Variants in KCNT2 observed in about 807,000 individuals in gnomAD.
KCNT2 encodes potassium channel subfamily T member 2.
In KCNT2, 67 loss-of-function variants were observed where a neutral mutation model predicts 153.8. That is an observed-to-expected ratio of 0.44 (90% CI 0.36 to 0.53). The LOEUF is 0.53. KCNT2 is among the 20% of genes least tolerant of loss of function. KCNT2 has a pLI of 0.00. For synonymous variants in KCNT2, 500 were observed against 458.8 expected (o/e 1.09, Z -1.15); for missense variants, 975 against 1,354.8 (o/e 0.72, Z 4.40).
chr1:196,561,439 A>G (rs1034603603), intron 1 of KCNT2, among the ~76,000 whole-genome samples: 2 of 151,490 alleles, frequency 1.3e-5, no homozygotes, highest in Non-Finnish European at 2.9e-5. Context: ...TATCTCATAT[A>G]TAAGATCAAT....
At chr1:196,521,186 T>TA (rs1653343646) in intron 1 of KCNT2, among the ~76,000 whole-genome samples, 2 of 152,082 alleles carry the variant, frequency 1.3e-5, no homozygotes, top group Non-Finnish European at 2.9e-5. Flanking sequence ...AACAATCATA[T>TA]AAAAAATAGC....
chr1:196,393,713 A>G (rs574931221), intron 13 of KCNT2, among the ~76,000 whole-genome samples: 65 of 151,632 alleles, frequency 4.3e-4, no homozygotes, highest in African/African-American at 1.5e-3. Context: ...TGATAACTAA[A>G]CTGCTATAAT....
chr1:196,349,275 A>C (rs892980884), intron 14 of KCNT2, among the ~76,000 whole-genome samples: 4 of 152,168 alleles, frequency 2.6e-5, no homozygotes, highest in Non-Finnish European at 5.9e-5. Context: ...ACAATTTCAG[A>C]TCTCCCATTC....
intron 13 of KCNT2, among the ~76,000 whole-genome samples, chr1:196,387,919 G>GCCA (rs1670135178): frequency 1.3e-5 from 2 of 149,732 alleles, no homozygotes; most frequent in South Asian, 4.2e-4. Context: ...TTTGATGAAA[G>GCCA]CCAATTTTTC....
chr1:196,289,765 C>A (rs191109258), intron 22 of KCNT2, among the ~76,000 whole-genome samples: 1 of 152,056 alleles, frequency 6.6e-6, no homozygotes, highest in Non-Finnish European at 1.5e-5. Context: ...CACTATGATT[C>A]CTTTTTGTTA....
intron 1 of KCNT2, among the ~76,000 whole-genome samples, chr1:196,593,985 AAC>A (rs149233796): frequency 4.6e-5 from 7 of 151,370 alleles, no homozygotes; most frequent in Non-Finnish European, 7.4e-5. Flanking sequence ...ACAGAAGACC[AAC>A]ACACACACAC....
At chr1:196,522,544 T>C (rs1018398905) in intron 1 of KCNT2, among the ~76,000 whole-genome samples, 1 of 152,204 alleles carries the variant, frequency 6.6e-6, no homozygotes, top group Admixed American at 6.5e-5. Flanking sequence ...ACTCCTTAGT[T>C]TGCAATTGAG....
At chr1:196,483,721 C>T (rs1679196535) in intron 3 of KCNT2, among the ~76,000 whole-genome samples, 1 of 152,128 alleles carries the variant, frequency 6.6e-6, no homozygotes, top group Non-Finnish European at 1.5e-5. Context: ...CACACCTTTC[C>T]TGCCACTCAT....
chr1:196,578,143 T>C (rs796672303), intron 1 of KCNT2, among the ~76,000 whole-genome samples: 7 of 151,926 alleles, frequency 4.6e-5, no homozygotes, highest in African/African-American at 1.7e-4. Flanking sequence ...TTTAAGTATT[T>C]TCATTTGGAA....
intron 25 of KCNT2, among the ~76,000 whole-genome samples, chr1:196,276,032 G>A (rs1658535110): frequency 6.6e-6 from 1 of 151,780 alleles, no homozygotes. Flanking sequence ...CTTTTAGTTG[G>A]TTATGTTGTT....
chr1:196,460,045 A>G lies in KCNT2; in HGVS notation c.638+5248T>C, dbSNP rs1329132462. ...TCTTTCTAACAGTTTCAGTAATTTT[A>G]TTACATTGTTCTGCTCTCACAAATT... On this transcript the variant is annotated intron_variant, in intron 8 of 27. Transcript: ENST00000294725. Among the ~76,000 whole-genome samples, 6 of 151,748 alleles carry G rather than the reference A, an allele frequency of 4.0e-5. No homozygotes were observed. In the East Asian group the frequency reaches 1.2e-3, roughly 29 times the overall value.
chr1:196,327,590 T>A (rs1225463059), intron 18 of KCNT2, among the ~76,000 whole-genome samples: 1 of 152,076 alleles, frequency 6.6e-6, no homozygotes, highest in African/African-American at 2.4e-5. Context: ...TTTATATGTC[T>A]TTATGTTCAT....
At chr1:196,541,817 G>A (rs1656413448) in intron 1 of KCNT2, among the ~76,000 whole-genome samples, 1 of 151,862 alleles carries the variant, frequency 6.6e-6, no homozygotes, top group African/African-American at 2.4e-5. Context: ...CCATAAAGTT[G>A]GGAGAGATAA....
chr1:196,259,266 A>G (rs548434688), intron 25 of KCNT2, among the ~76,000 whole-genome samples: 1 of 152,224 alleles, frequency 6.6e-6, no homozygotes, highest in African/African-American at 2.4e-5. Context: ...GTCTATTATG[A>G]CTTACTCTTT....
intron 1 of KCNT2, among the ~76,000 whole-genome samples, chr1:196,544,571 G>A (rs916586548): frequency 6.6e-6 from 1 of 151,976 alleles, no homozygotes; most frequent in African/African-American, 2.4e-5. Context: ...CTCGTAAATG[G>A]GATTGCATTT....
In KCNT2 at chr1:196,386,981, G is replaced by T. The variant is rs1001306333; in HGVS notation, c.1294+11582C>A. The stretch of plus-strand genomic sequence containing the variant: ...TTTTACTTCATGTAAACACAGTTTT[G>T]TAGTCTATATAAACATAACTTATAG... On this transcript the variant is annotated intron_variant, in intron 13 of 27. Coordinates refer to ENST00000294725, the MANE Select transcript of KCNT2 (RefSeq NM_198503.5). Among the ~76,000 whole-genome samples, 4 of 151,938 alleles carry T rather than the reference G, an allele frequency of 2.6e-5. No individual in the cohort carries two copies. In the South Asian group the frequency reaches 8.3e-4, roughly 32 times the overall value.
At chr1:196,385,276 T>C (rs1008685280) in intron 13 of KCNT2, among the ~76,000 whole-genome samples, 1 of 152,118 alleles carries the variant, frequency 6.6e-6, no homozygotes, top group Admixed American at 6.6e-5. Context: ...TCATGTACTA[T>C]CCACACACTA....
chr1:196,575,043 A>G (rs1661194755), intron 1 of KCNT2, among the ~76,000 whole-genome samples: 1 of 152,092 alleles, frequency 6.6e-6, no homozygotes, highest in Non-Finnish European at 1.5e-5. Flanking sequence ...TTTCAAAATT[A>G]TAAAAGTATA....
intron 1 of KCNT2, among the ~76,000 whole-genome samples, chr1:196,531,447 C>CT (rs1190191626): frequency 6.6e-6 from 1 of 152,076 alleles, no homozygotes; most frequent in Non-Finnish European, 1.5e-5. Context: ...TTCTGCGACT[C>CT]TATTTCCTCG....
Sources: allele counts gnomAD v4.1 joint callset (sites outside exome capture counted in the v4.1 genomes callset), GRCh38; gene constraint gnomAD v4.1.1; transcripts MANE v1.5; gene names NCBI Gene and HGNC (gene_info 2026-07-23, HGNC 2026-07-21).